Variants in PLBD1 observed in about 807,000 individuals in gnomAD.
PLBD1 encodes lysosomal leucine aminopeptidase.
In PLBD1, 60 loss-of-function variants were observed where a neutral mutation model predicts 63.0. The observed-to-expected ratio is 0.95, with a 90% CI of 0.77 to 1.18. The LOEUF (loss-of-function observed/expected upper bound fraction) is 1.18, where lower values mean the gene tolerates loss of function less well. PLBD1 is among the 50% of genes most tolerant of loss of function. PLBD1 has a pLI of 0.00. For synonymous variants in PLBD1, 262 were observed against 248.0 expected (o/e 1.06, Z -0.53); for missense variants, 598 against 677.9 (o/e 0.88, Z 1.31).
At chr12:14,506,359 A>G (rs1412811825) in intron 9 of PLBD1, 91 bp from the exon 10 acceptor site, 3 of 898,150 alleles carry the variant, frequency 3.3e-6, no homozygotes, top group East Asian at 2.6e-5. Flanking sequence ...TAAAGCCTAG[A>G]TAATCAGAGA....
intron 6 of PLBD1, among the ~76,000 whole-genome samples, chr12:14,531,935 G>A (rs953237662): frequency 6.6e-6 from 1 of 152,208 alleles, no homozygotes; most frequent in Non-Finnish European, 1.5e-5. Flanking sequence ...CTGTTTAAAT[G>A]TTAAGTGCAT....
At chr12:14,514,742 A>AAT (rs1555145152) in intron 6 of PLBD1, among the ~76,000 whole-genome samples, 3 of 147,320 alleles carry the variant, frequency 2.0e-5, no homozygotes, top group East Asian at 2.0e-4. Context: ...ATCTTTTTAA[A>AAT]TTTTTTTTTT....
At chr12:14,556,351 C>T (rs1049638112) in intron 1 of PLBD1, among the ~76,000 whole-genome samples, 29 of 151,988 alleles carry the variant, frequency 1.9e-4, no homozygotes, top group African/African-American at 7.0e-4. Flanking sequence ...TGTTGGCAAA[C>T]GTTCCAAACT....
At chr12:14,515,897 C>CAAAA (rs71067801) in intron 6 of PLBD1, among the ~76,000 whole-genome samples, 1 of 143,794 alleles carries the variant, frequency 7.0e-6, no homozygotes, top group African/African-American at 2.6e-5. Flanking sequence ...ACTAAAAATA[C>CAAAA]AAAAAAAAAA....
chr12:14,535,584 G>T, intron 6 of PLBD1, 75 bp downstream of exon 6: 2 of 1,503,924 alleles, frequency 1.3e-6, no homozygotes, highest in South Asian at 2.3e-5. Context: ...TCCCATTGCA[G>T]TTAACACTGA....
chr12:14,522,374 C>T (rs1490362712), intron 6 of PLBD1, among the ~76,000 whole-genome samples: 1 of 152,070 alleles, frequency 6.6e-6, no homozygotes. Context: ...AATAAAAAGT[C>T]TTCCAGAAAA....
chr12:14,566,571 T>TTTTAA (rs1389680057), intron 1 of PLBD1, among the ~76,000 whole-genome samples: 1 of 152,040 alleles, frequency 6.6e-6, no homozygotes, highest in African/African-American at 2.4e-5. Flanking sequence ...ATCCAAGGCT[T>TTTTAA]TTTAATTTAA....
chr12:14,553,057 A>T, intron 2 of PLBD1, 136 bp downstream of exon 2: 1 of 817,212 alleles, frequency 1.2e-6, no homozygotes, highest in Non-Finnish European at 1.9e-6. Context: ...CAATTCTGAT[A>T]ATGTCTCTAT....
intron 6 of PLBD1, 95 bp from the exon 7 acceptor site, chr12:14,511,806 G>C (rs928474970): frequency 8.2e-7 from 1 of 1,219,770 alleles, no homozygotes; most frequent in Admixed American, 2.0e-5. Flanking sequence ...AATGCATTTT[G>C]CAAAGTGTAT....
chr12:14,516,872 C>G (rs1331607356), intron 6 of PLBD1, among the ~76,000 whole-genome samples: 1 of 152,010 alleles, frequency 6.6e-6, no homozygotes, highest in East Asian at 1.9e-4. Context: ...AACCCTGTCT[C>G]TACTAAAAAT....
intron 10 of PLBD1, 133 bp downstream of exon 10, chr12:14,506,029 C>G (rs920723719): frequency 6.9e-6 from 4 of 578,068 alleles, no homozygotes; most frequent in Admixed American, 6.8e-5. Context: ...ACCAGAATCT[C>G]TGAAAAAGCT....
intron 2 of PLBD1, among the ~76,000 whole-genome samples, chr12:14,551,402 T>A (rs1259266775): frequency 1.3e-5 from 2 of 152,198 alleles, no homozygotes; most frequent in Admixed American, 6.5e-5. Flanking sequence ...GAAGTATTTT[T>A]AAAAAGTTAT....
At chr12:14,551,177 A>T (rs778250655) in intron 2 of PLBD1, among the ~76,000 whole-genome samples, 6 of 152,148 alleles carry the variant, frequency 3.9e-5, no homozygotes, top group Non-Finnish European at 8.8e-5. Context: ...AGCCTGGCCA[A>T]TGTGGTGAAA....
At chr12:14,564,518 C>T (rs1349818493) in intron 1 of PLBD1, among the ~76,000 whole-genome samples, 1 of 152,210 alleles carries the variant, frequency 6.6e-6, no homozygotes, top group Non-Finnish European at 1.5e-5. Context: ...TCCAGCCTGA[C>T]AATCTGTGAT....
At chr12:14,524,085 C>T (rs537575798) in intron 6 of PLBD1, among the ~76,000 whole-genome samples, 22 of 152,182 alleles carry the variant, frequency 1.4e-4, no homozygotes, top group Admixed American at 5.2e-4. Flanking sequence ...CAATCTCACT[C>T]AGATGTGGAA....
intron 6 of PLBD1, among the ~76,000 whole-genome samples, chr12:14,516,036 C>CAA (rs200664047): frequency 6.7e-6 from 1 of 148,878 alleles, no homozygotes; most frequent in Non-Finnish European, 1.5e-5. Context: ...GACTCCATCT[C>CAA]AAAAAAAAAC....
At position 14,519,314 on chromosome 12, in the gene PLBD1, G is replaced by A. The variant is rs190963913; in HGVS notation, c.845-7603C>T. On this transcript the variant is annotated intron_variant, in intron 6 of 10. Coordinates refer to ENST00000240617, the MANE Select transcript of PLBD1 (RefSeq NM_024829.6). ...GGGCAAACTCTAATTCAACATGACCGGTGTCCTTATAAGAAGAGGAAGTGA... is the reference window on the plus strand; with the variant it reads ...GGGCAAACTCTAATTCAACATGACCAGTGTCCTTATAAGAAGAGGAAGTGA... 3.9e-3 allele frequency among the ~76,000 whole-genome samples: 601 copies of A among 152,178 alleles called. 3 individuals are homozygous for A. The highest frequency in any genetic ancestry group is 5.7e-3 in the Non-Finnish European group (388 of 68,004).
intron 1 of PLBD1, among the ~76,000 whole-genome samples, chr12:14,563,531 A>C (rs560677523): frequency 1.7e-4 from 26 of 151,802 alleles, no homozygotes; most frequent in African/African-American, 4.6e-4. Flanking sequence ...AAAACAACAA[A>C]AAAAAAATTA....
intron 4 of PLBD1, 58 bp from the exon 5 acceptor site, chr12:14,536,768 T>A: frequency 6.3e-7 from 1 of 1,591,488 alleles, no homozygotes; most frequent in South Asian, 1.1e-5. Context: ...CATTTCCTGT[T>A]TTCCTCTTGT....
Sources: gnomAD v4.1 joint callset for allele counts (sites outside exome capture counted in the v4.1 genomes callset) on GRCh38, gnomAD v4.1.1 for gene constraint, MANE v1.5 for transcripts, NCBI Gene and HGNC (gene_info 2026-07-23, HGNC 2026-07-21) for gene names.